Variants in PRKDC observed in about 807,000 individuals in gnomAD.
The protein encoded by PRKDC is protein kinase, DNA-activated, catalytic subunit.
In PRKDC, 82 loss-of-function variants were observed where a neutral mutation model predicts 486.9. The observed-to-expected ratio is 0.17, with a 90% CI of 0.14 to 0.20. PRKDC has a LOEUF of 0.20. Ranked by LOEUF, PRKDC falls within the 10% of genes least tolerant of loss-of-function variation. PRKDC has a pLI of 1.00. For missense variants in PRKDC, 4,504 were observed against 5,038.2 expected (o/e 0.89, Z 3.21); for synonymous variants, 1,895 against 1,837.0 (o/e 1.03, Z -0.81).
chr8:47,783,886 AC>A (rs1315394768), intron 77 of PRKDC, 77 bp from the exon 78 acceptor site: 1 of 1,404,038 alleles, frequency 7.1e-7, no homozygotes, highest in African/African-American at 1.4e-5. Context: ...CTCTTGATCT[AC>A]TTTTTAAAAA....
chr8:47,922,477 A>AC (rs1394454216), intron 21 of PRKDC, among the ~76,000 whole-genome samples: 1 of 151,538 alleles, frequency 6.6e-6, no homozygotes, highest in African/African-American at 2.4e-5. Context: ...GTCTCAAAAA[A>AC]AAAAAAATTG....
chr8:47,876,742 T>C (rs2089099974), intron 40 of PRKDC, among the ~76,000 whole-genome samples: 1 of 152,036 alleles, frequency 6.6e-6, no homozygotes. Flanking sequence ...GCATTTTTGG[T>C]AACCAAACAA....
chr8:47,937,094 A>T, intron 11 of PRKDC, among the ~76,000 whole-genome samples: 1 of 132,188 alleles, frequency 7.6e-6, no homozygotes, highest in South Asian at 2.6e-4. Flanking sequence ...TCTCTACTTA[A>T]AAAAAAAAAA....
rs750004932 is a variant in PRKDC, at chr8:47,828,182, C to T, written c.8563G>A (p.Val2855Ile). Residue 2855 changes from valine to isoleucine, a missense_variant, in exon 62 of 86, where the codon GTC becomes ATC. By Grantham distance (29) the Val-to-Ile change is conservative (BLOSUM62 3). Around this residue, in one of 6 missense-constraint regions of PRKDC, gnomAD observed 1,592 missense variants for 1,724.6 expected, o/e 0.92. Coordinates refer to ENST00000314191, the MANE Select transcript of PRKDC (RefSeq NM_006904.7). ...NTTFSFFPPF[V>I]SCIQDISCQH... is the part of the protein sequence containing the mutation. ...GCAGACTTTACCTGAATACAAGAGA[C>T]AAAGGGTGGAAAGAAAGAGAAGGTG... The T allele has an allele frequency of 6.2e-6, 10 of 1,613,388 alleles. No homozygotes were observed. Among genetic ancestry groups the T allele is most frequent in the Non-Finnish European group, 8.5e-6 (10 of 1,179,642 alleles).
intron 76 of PRKDC, among the ~76,000 whole-genome samples, chr8:47,785,736 TAA>T (rs879335403): frequency 7.4e-6 from 1 of 134,744 alleles, no homozygotes; most frequent in Non-Finnish European, 1.6e-5. Context: ...ACCGTGTCTC[TAA>T]AAAAAAAAAA....
chr8:47,858,944 C>G lies in PRKDC; in HGVS notation c.6250G>C (p.Glu2084Gln), dbSNP rs1389228945. ...PTVHDDVLEL[E>Q]MDELNRHECM... is the part of the protein sequence containing the mutation. ...TCATGCCGATTGAGCTCGTCCATCTCCAGCTCCAGCACATCATCATGCACC... is the reference window on the plus strand; with the variant it reads ...TCATGCCGATTGAGCTCGTCCATCTGCAGCTCCAGCACATCATCATGCACC... The change falls in exon 47 of 86, where the codon GAG becomes CAG. Residue 2084 changes from glutamate to glutamine, a missense_variant. Glu to Gln is a conservative substitution (Grantham distance 29). Transcript: ENST00000314191. The G allele has an allele frequency of 6.2e-7, 1 of 1,613,706 alleles. No individual in the cohort carries two copies. The highest frequency in any genetic ancestry group is 8.5e-7 in the Non-Finnish European group (1 of 1,179,892).
Position 47,807,194 on chromosome 8 carries a change from C to G in PRKDC, c.9690G>C (p.Leu3230=). 1.2e-6 allele frequency: 2 copies of G among 1,613,894 alleles called. No individual in the cohort carries two copies. The highest frequency in any genetic ancestry group is 1.7e-6 in the Non-Finnish European group (2 of 1,179,850). The change falls in exon 69 of 86, where the codon CTG becomes CTC. Residue 3230 remains leucine, a synonymous_variant. Coordinates refer to ENST00000314191, the MANE Select transcript of PRKDC (RefSeq NM_006904.7). ...VQEQEEDISS[L]IRSCKFSMKM... is the part of the protein sequence containing the mutation. ...TCATGGAAAACTTGCAACTCCTGATCAGGGAGCTGATATCTTCTTCCTGCT... is the reference window on the plus strand; with the variant it reads ...TCATGGAAAACTTGCAACTCCTGATGAGGGAGCTGATATCTTCTTCCTGCT...
chr8:47,828,032 A>G, intron 62 of PRKDC, 136 bp downstream of exon 62: 2 of 732,792 alleles, frequency 2.7e-6, no homozygotes, highest in Non-Finnish European at 2.0e-6. Context: ...GGGAAGTGGT[A>G]ACCCAAATAG....
chr8:47,883,867 C>A (rs2089274874), intron 36 of PRKDC, among the ~76,000 whole-genome samples: 1 of 152,248 alleles, frequency 6.6e-6, no homozygotes, highest in Non-Finnish European at 1.5e-5. Context: ...GTGCCTGAGC[C>A]CCTGGGCTGC....
At chr8:47,900,866 T>C (rs1190052656) in intron 27 of PRKDC, among the ~76,000 whole-genome samples, 1 of 149,744 alleles carries the variant, frequency 6.7e-6, no homozygotes, top group Non-Finnish European at 1.5e-5. Context: ...AAAAAAATTG[T>C]TTTTTTGTTG....
chr8:47,830,513 ACAGCCT>A, intron 61 of PRKDC, 86 bp downstream of exon 61: 6 of 1,517,798 alleles, frequency 4.0e-6, no homozygotes, highest in Non-Finnish European at 5.4e-6. Context: ...ATGTTGCAGG[ACAGCCT>A]CAGCCATGTT....
chr8:47,773,284 G>A lies in PRKDC; in HGVS notation c.*889C>T, dbSNP rs1160338481. 2.2e-5 allele frequency: 5 copies of A among 227,656 alleles called. No individual in the cohort carries two copies. The highest frequency in any genetic ancestry group is 1.1e-4 in the African/African-American group (5 of 44,910). 14.1% of individuals were successfully genotyped at this position (227,656 alleles called of 1,614,324 possible). ...GGGGACAGGGACTGCACATGGGAAGGAGCCACTTTTGTATTCCATAATTTC... is the reference window on the plus strand; with the variant it reads ...GGGGACAGGGACTGCACATGGGAAGAAGCCACTTTTGTATTCCATAATTTC... On this transcript the variant is annotated 3_prime_UTR_variant, in exon 86 of 86. Coordinates refer to ENST00000314191, the MANE Select transcript of PRKDC (RefSeq NM_006904.7).
At chr8:47,881,358 A>T in intron 38 of PRKDC, 58 bp downstream of exon 38, 1 of 1,053,102 alleles carries the variant, frequency 9.5e-7, no homozygotes, top group South Asian at 1.5e-5. Flanking sequence ...CATCACAAAT[A>T]AAAAATACGA....
chr8:47,879,761 G>C, intron 38 of PRKDC, 103 bp from the exon 39 acceptor site: 1 of 877,448 alleles, frequency 1.1e-6, no homozygotes, highest in South Asian at 2.9e-5. Flanking sequence ...GCATTATGTG[G>C]AATCAATGAA....
intron 63 of PRKDC, among the ~76,000 whole-genome samples, chr8:47,825,059 G>A (rs2087702634): frequency 6.6e-6 from 1 of 152,192 alleles, no homozygotes; most frequent in African/African-American, 2.4e-5. Flanking sequence ...TAAATCAGCA[G>A]TAAAGGTGGG....
chr8:47,955,110 C>T (rs2090680054), intron 4 of PRKDC, among the ~76,000 whole-genome samples: 2 of 151,728 alleles, frequency 1.3e-5, no homozygotes, highest in South Asian at 2.1e-4. Context: ...GCCGAGATTG[C>T]GCCACTGCAC....
rs528300050 is a variant in PRKDC, at chr8:47,831,039, TCTCA to T, written c.8266-307_8266-304del. On this transcript the variant is annotated intron_variant, in intron 60 of 85. Coordinates refer to ENST00000314191, the MANE Select transcript of PRKDC (RefSeq NM_006904.7). ...GCTGGAGAGCTGCATCTCTGGAAAG[TCTCA>T]CTGAGAACGAGGCCGGCAGCCGGTC... Among the ~76,000 whole-genome samples, 366 of 152,300 alleles carry T rather than the reference TCTCA, an allele frequency of 2.4e-3. 2 individuals carry two copies. The highest frequency in any genetic ancestry group is 8.5e-3 in the African/African-American group (353 of 41,574).
In PRKDC at chr8:47,893,303, C is replaced by T. The variant is rs1274479938; in HGVS notation, c.3683G>A (p.Gly1228Asp). ...CAGGATGCCCGAGGGCTGGCCACAGCCACCCCCCTCAAAGGTGTTGATGAG... is the reference window on the plus strand; with the variant it reads ...CAGGATGCCCGAGGGCTGGCCACAGTCACCCCCCTCAAAGGTGTTGATGAG... ...SFLINTFEGG[G>D]CGQPSGILAQ... The change falls in exon 31 of 86, where the codon GGC becomes GAC. Residue 1228 changes from glycine (G) to aspartate (D), a missense_variant. By Grantham distance (94) the Gly-to-Asp change is moderately conservative. Transcript: ENST00000314191. 1.2e-6 allele frequency: 2 copies of T among 1,607,692 alleles called. No homozygotes were observed. Among genetic ancestry groups the T allele is most frequent in the Non-Finnish European group, 1.7e-6 (2 of 1,175,914 alleles).
intron 54 of PRKDC, among the ~76,000 whole-genome samples, chr8:47,846,040 A>G (rs185739220): frequency 1.3e-3 from 200 of 152,366 alleles, no homozygotes; most frequent in Non-Finnish European, 2.4e-3. Flanking sequence ...ACAAATCAAT[A>G]ATGTGATTCA....
Sources: gnomAD v4.1 joint callset for allele counts (sites outside exome capture counted in the v4.1 genomes callset) on GRCh38, gnomAD v4.1.1 for gene constraint, gnomAD v4.1.1 regional missense constraint, MANE v1.5 for transcripts, NCBI Gene and HGNC (gene_info 2026-07-23, HGNC 2026-07-21) for gene names.